The following SHISA9 variants were observed in gnomAD, a reference collection of about 807,000 sequenced individuals.
The protein encoded by SHISA9 is protein shisa-9.
In SHISA9, 13 loss-of-function variants were observed where a neutral mutation model predicts 38.0. That is an observed-to-expected ratio of 0.34 (90% CI 0.22 to 0.54). SHISA9 has a LOEUF of 0.54. Ranked by LOEUF, SHISA9 falls within the 20% of genes least tolerant of loss-of-function variation. The pLI is 0.91. For missense variants in SHISA9, 538 were observed against 575.8 expected (o/e 0.93, Z 0.67); for synonymous variants, 275 against 242.0 (o/e 1.14, Z -1.27).
intron 2 of SHISA9, among the ~76,000 whole-genome samples, chr16:13,092,583 G>A (rs2073786131): frequency 6.6e-6 from 1 of 152,270 alleles, no homozygotes; most frequent in Non-Finnish European, 1.5e-5. Context: ...TCAGACGGCT[G>A]CGCTAGCATT....
At chr16:13,144,647 C>T (rs917569779) in intron 2 of SHISA9, among the ~76,000 whole-genome samples, 2 of 152,130 alleles carry the variant, frequency 1.3e-5, no homozygotes, top group African/African-American at 2.4e-5. Flanking sequence ...TGACTTCTAT[C>T]ATCTTAAATG....
the SHISA9 span, among the ~76,000 whole-genome samples, chr16:13,467,655 C>T: frequency 1.3e-5 from 2 of 152,180 alleles, no homozygotes; most frequent in African/African-American, 4.8e-5. Context: ...TCACAATTTG[C>T]CCATCCATGA....
chr16:13,209,830 A>G (rs1351330357), intron 3 of SHISA9, among the ~76,000 whole-genome samples: 1 of 152,198 alleles, frequency 6.6e-6, no homozygotes, highest in Non-Finnish European at 1.5e-5. Context: ...GGCCGGGTGC[A>G]GTGGCTCACA....
At chr16:12,910,694 A>G in intron 1 of SHISA9, 1 of 985,452 alleles carries the variant, frequency 1.0e-6, no homozygotes, top group Non-Finnish European at 1.2e-6. Flanking sequence ...GTGGAAGGCT[A>G]TCAAGAAAAA....
intron 2 of SHISA9, among the ~76,000 whole-genome samples, chr16:12,932,186 C>T (rs1318548354): frequency 6.6e-6 from 1 of 152,172 alleles, no homozygotes; most frequent in Admixed American, 6.5e-5. Context: ...ATAAATTACC[C>T]AGTCTCAGGT....
intron 2 of SHISA9, among the ~76,000 whole-genome samples, chr16:13,137,490 T>C (rs1021177359): frequency 6.6e-6 from 1 of 151,524 alleles, no homozygotes. Flanking sequence ...AGAGTCTCAA[T>C]CTGTTACCAG....
At chr16:13,263,336 C>A in the SHISA9 span, among the ~76,000 whole-genome samples, 2 of 152,134 alleles carry the variant, frequency 1.3e-5, no homozygotes, top group Non-Finnish European at 1.5e-5. Context: ...GGAGGTGGGG[C>A]CTGGTGGGAG....
At chr16:13,172,741 A>AT (rs35564627) in intron 2 of SHISA9, among the ~76,000 whole-genome samples, 28,605 of 128,770 alleles carry the variant, frequency 0.22, 3,434 homozygotes, top group Non-Finnish European at 0.28. Context: ...TATCTTGATG[A>AT]TTTTTTTTTT....
intron 2 of SHISA9, among the ~76,000 whole-genome samples, chr16:13,148,487 T>A (rs2050467790): frequency 6.6e-6 from 1 of 152,042 alleles, no homozygotes; most frequent in Admixed American, 6.6e-5. Flanking sequence ...CACACTCACC[T>A]ACCCACCCAC....
At chr16:13,427,431 T>G in the SHISA9 span, among the ~76,000 whole-genome samples, 1 of 152,156 alleles carries the variant, frequency 6.6e-6, no homozygotes, top group Non-Finnish European at 1.5e-5. Context: ...TAAAAGAAGA[T>G]TAAAACGCAA....
At chr16:13,529,926 C>T in the SHISA9 span, among the ~76,000 whole-genome samples, 5 of 152,220 alleles carry the variant, frequency 3.3e-5, no homozygotes, top group East Asian at 9.6e-4. Flanking sequence ...GGGCATGTGA[C>T]ATAACTGCAG....
At chr16:12,907,137 CT>C (rs2071109682) in intron 1 of SHISA9, among the ~76,000 whole-genome samples, 1 of 75,482 alleles carries the variant, frequency 1.3e-5, no homozygotes, top group Non-Finnish European at 2.4e-5. Context: ...TCTTTTCTTC[CT>C]TTCCCTCCCT....
intron 2 of SHISA9, among the ~76,000 whole-genome samples, chr16:13,003,693 A>G (rs749314919): frequency 6.6e-6 from 1 of 152,130 alleles, no homozygotes; most frequent in African/African-American, 2.4e-5. Flanking sequence ...CCCCATCTCT[A>G]CTAAAAATAC....
chr16:13,378,858 T>G, the SHISA9 span, among the ~76,000 whole-genome samples: 1 of 152,240 alleles, frequency 6.6e-6, no homozygotes, highest in Non-Finnish European at 1.5e-5. Flanking sequence ...GCTCCATAGC[T>G]CAAAAATATT....
At chr16:13,544,426 C>CTT in the SHISA9 span, among the ~76,000 whole-genome samples, 3 of 46,682 alleles carry the variant, frequency 6.4e-5, no homozygotes, top group African/African-American at 1.0e-4. Context: ...TTTTTTTTTT[C>CTT]TTGTTTTTTT....
At chr16:13,168,223 C>T (rs954654604) in intron 2 of SHISA9, among the ~76,000 whole-genome samples, 1 of 152,254 alleles carries the variant, frequency 6.6e-6, no homozygotes, top group African/African-American at 2.4e-5. Context: ...CTGTCCTAAT[C>T]ACCCCAGGGC....
intron 2 of SHISA9, among the ~76,000 whole-genome samples, chr16:13,096,497 G>T (rs2073829387): frequency 1.3e-5 from 2 of 152,194 alleles, no homozygotes; most frequent in African/African-American, 4.8e-5. Flanking sequence ...GCTCAGGGAA[G>T]GATCCTGATG....
chr16:13,359,134 G>C, the SHISA9 span, among the ~76,000 whole-genome samples: 1 of 152,236 alleles, frequency 6.6e-6, no homozygotes, highest in Non-Finnish European at 1.5e-5. Flanking sequence ...TCCAGTTTTA[G>C]ATCCTAGTCT....
At chr16:13,522,140 A>G in the SHISA9 span, among the ~76,000 whole-genome samples, 1 of 152,164 alleles carries the variant, frequency 6.6e-6, no homozygotes, top group Non-Finnish European at 1.5e-5. Context: ...AATCCCACAT[A>G]AGAGGAGATC....
Sources: allele counts gnomAD v4.1 joint callset (sites outside exome capture counted in the v4.1 genomes callset), GRCh38; gene constraint gnomAD v4.1.1; transcripts MANE v1.5; gene names NCBI Gene and HGNC (gene_info 2026-07-23, HGNC 2026-07-21).